The following ZNF185 variants were observed in gnomAD, a reference collection of about 807,000 sequenced individuals.
The protein encoded by ZNF185 is zinc finger protein 185.
In ZNF185, 56 loss-of-function variants were observed where a neutral mutation model predicts 58.6. That is an observed-to-expected ratio of 0.95 (90% CI 0.77 to 1.19). The LOEUF (loss-of-function observed/expected upper bound fraction) is 1.19. ZNF185 is among the 50% of genes most tolerant of loss of function. The pLI is 0.00. For missense variants in ZNF185, 627 were observed against 573.5 expected, an observed-to-expected ratio of 1.09 and a Z score of -0.95; for synonymous variants, 230 against 215.9, an observed-to-expected ratio of 1.07 and a Z score of -0.57.
At position 152,959,769 on chromosome X, in the gene ZNF185, G is replaced by A; in HGVS notation, c.1480G>A (p.Ala494Thr). ...AGAGGCCTGGCAGGACAGGCCTGGA[G>A]CCCCAAGAGGTGGCCAAGGAGACCC... Residue 494 changes from alanine (A) to threonine (T), a missense_variant, in exon 17 of 23, where the codon GCC (alanine) becomes ACC (threonine). Coordinates refer to ENST00000449285, the Ensembl canonical transcript of ZNF185. The A allele has an allele frequency of 3.3e-6, 4 of 1,211,900 alleles. No individual in the cohort carries two copies. The South Asian group carries it at 7.0e-5, about 21-fold the overall frequency.
chrX:152,899,321 T>A, the ZNF185 span, among the ~76,000 whole-genome samples: 1,205 of 112,620 alleles, frequency 0.011, 16 homozygotes, highest in African/African-American at 0.037. Context: ...GCAGAGGTCC[T>A]GCCTTCCCAG....
Position 152,969,889 on chromosome X carries a change from C to T in ZNF185, c.1974+405C>T, listed in dbSNP as rs191466559. On this transcript the variant is annotated intron_variant, in intron 21 of 22. Coordinates refer to ENST00000449285, the Ensembl canonical transcript of ZNF185. ...GCGGGCACAGAGTTTGGATTTTATT[C>T]TAAGTGACATTGGGGTCCCCATTCT... Among the ~76,000 whole-genome samples the T allele has an allele frequency of 7.6e-4, 85 of 112,378 alleles. 1 individual carries two copies. In the East Asian group the frequency reaches 0.02, roughly 26 times the overall value.
At position 152,915,209 on chromosome X, in the gene ZNF185, A is replaced by C; in HGVS notation, c.224+6A>C. The stretch of plus-strand genomic sequence containing the variant: ...GGGGAGGTTCCGAAGCCTAGGTAAG[A>C]GGTGGTGCTCAGGTGGCTGGTGGGT... On this transcript the variant is annotated splice_donor_region_variant and intron_variant, in intron 3 of 22. Coordinates refer to ENST00000449285, the Ensembl canonical transcript of ZNF185. The C allele has an allele frequency of 8.3e-7, 1 of 1,208,147 alleles. No homozygotes were observed.
At chrX:152,920,100 CT>C (rs1939387593) in intron 7 of ZNF185, among the ~76,000 whole-genome samples, 1 of 113,395 alleles carries the variant, frequency 8.8e-6, no homozygotes, top group African/African-American at 3.2e-5. Context: ...ATGTTGGCAT[CT>C]GGCGCAGAGC....
At chrX:152,962,054 G>A (rs5924778) in intron 17 of ZNF185, among the ~76,000 whole-genome samples, 25,422 of 110,882 alleles carry the variant, frequency 0.23, 2,253 homozygotes, top group South Asian at 0.39. Flanking sequence ...GAGACAGTTC[G>A]GCTGAGACCT....
intron 3 of ZNF185, among the ~76,000 whole-genome samples, chrX:152,916,567 G>T (rs1461486682): frequency 3.6e-5 from 4 of 112,005 alleles, no homozygotes; most frequent in African/African-American, 1.3e-4. Context: ...TGGGGTGTGG[G>T]CATGCAAGGA....
intron 16 of ZNF185, among the ~76,000 whole-genome samples, chrX:152,953,642 G>C (rs973929833): frequency 7.1e-5 from 8 of 112,201 alleles, no homozygotes; most frequent in Admixed American, 1.9e-4. Flanking sequence ...AGGCTGCAGT[G>C]AACTATTATT....
At chrX:152,944,008 C>G (rs184602081) in intron 15 of ZNF185, among the ~76,000 whole-genome samples, 4 of 113,104 alleles carry the variant, frequency 3.5e-5, no homozygotes, top group African/African-American at 1.3e-4. Flanking sequence ...GCAGCAGACC[C>G]TAAGGGTGGA....
At chrX:152,966,371 C>T (rs2050117068) in intron 19 of ZNF185, among the ~76,000 whole-genome samples, 2 of 111,283 alleles carry the variant, frequency 1.8e-5, no homozygotes, top group Non-Finnish European at 1.9e-5. Context: ...AGGTGAGGTC[C>T]CTTAGAATGT....
intron 14 of ZNF185, among the ~76,000 whole-genome samples, chrX:152,935,863 A>G (rs1429433543): frequency 1.8e-5 from 2 of 112,090 alleles, no homozygotes; most frequent in African/African-American, 3.3e-5. Context: ...CGTGAGCATC[A>G]GTCTGCCTGG....
chrX:152,925,739 C>T (rs782406685), intron 11 of ZNF185, among the ~76,000 whole-genome samples: 18 of 111,991 alleles, frequency 1.6e-4, no homozygotes, highest in Non-Finnish European at 3.2e-4. Context: ...GAAGCCCAGC[C>T]CGTGAGGAAC....
chrX:152,937,862 T>A (rs1317227895), intron 14 of ZNF185, among the ~76,000 whole-genome samples: 1 of 112,391 alleles, frequency 8.9e-6, no homozygotes, highest in African/African-American at 3.2e-5. Context: ...TGTTTGCTCT[T>A]GAACTCAGGT....
At chrX:152,933,421 C>T (rs1394716252) in intron 14 of ZNF185, among the ~76,000 whole-genome samples, 4 of 112,202 alleles carry the variant, frequency 3.6e-5, no homozygotes, top group Non-Finnish European at 7.5e-5. Flanking sequence ...CTTTTCCTGC[C>T]CCATCCCTAC....
chrX:152,970,683 C>T (rs1194302767), intron 22 of ZNF185, 142 bp downstream of exon 24: 5 of 475,537 alleles, frequency 1.1e-5, no homozygotes, highest in Non-Finnish European at 1.7e-5. Flanking sequence ...CTTGTGTCCT[C>T]ATGTCCCTAT....
At chrX:152,936,220 A>G (rs1556881552) in intron 14 of ZNF185, among the ~76,000 whole-genome samples, 198 bp from the exon 16 acceptor site, 1 of 112,990 alleles carries the variant, frequency 8.9e-6, no homozygotes, top group African/African-American at 3.2e-5. Flanking sequence ...ATGATTTGCA[A>G]CGCCAGAGGG....
chrX:152,933,434 C>A (rs1556879282), intron 14 of ZNF185, among the ~76,000 whole-genome samples: 1 of 112,282 alleles, frequency 8.9e-6, no homozygotes. Context: ...ATCCCTACCC[C>A]AGGCAGCTCT....
chrX:152,926,389 C>A (rs1215640723), intron 11 of ZNF185, among the ~76,000 whole-genome samples: 3 of 112,505 alleles, frequency 2.7e-5, no homozygotes, highest in Non-Finnish European at 1.9e-5. Context: ...AGCTGCAGGG[C>A]CCTTATTCAA....
chrX:152,936,331 T>TG, intron 14 of ZNF185, 87 bp from the exon 16 acceptor site: 1 of 781,384 alleles, frequency 1.3e-6, no homozygotes, highest in Non-Finnish European at 1.9e-6. Context: ...TCATCATCTG[T>TG]GGGGGGCAGG....
exon 11 of ZNF185, chrX:152,922,738 C>A: frequency 1.7e-6 from 2 of 1,200,179 alleles, no homozygotes; most frequent in Non-Finnish European, 2.2e-6. Context: ...GAGGCAGGAC[C>A]AAAGCGTCTC....
Sources: gnomAD v4.1 joint callset for allele counts (sites outside exome capture counted in the v4.1 genomes callset) on GRCh38, gnomAD v4.1.1 for gene constraint, MANE v1.5 for transcripts, NCBI Gene and HGNC (gene_info 2026-07-23, HGNC 2026-07-21) for gene names.